PKNOX2: variants seen among roughly 807,000 people sequenced by gnomAD.
PKNOX2 encodes the protein PBX/knotted 1 homeobox 2.
A neutral mutation model predicts 53.1 loss-of-function variants in PKNOX2; 14 were observed. The ratio of observed to expected loss-of-function variants is 0.26; its 90% CI spans 0.17 to 0.41. The LOEUF is 0.41. Among genes scored for constraint, PKNOX2 ranks in the 10% least tolerant of loss-of-function variants. The probability of loss-of-function intolerance (pLI) is 1.00; values close to 1 mark genes in which losing one functional copy is unlikely to be tolerated. For synonymous variants in PKNOX2, 257 were observed against 242.8 expected, an observed-to-expected ratio of 1.06 and a Z score of -0.54; for missense variants, 496 against 602.8, an observed-to-expected ratio of 0.82 and a Z score of 1.85.
intron 1 of PKNOX2, among the ~76,000 whole-genome samples, chr11:125,201,187 G>A (rs1315800124): frequency 6.6e-6 from 1 of 152,096 alleles, no homozygotes; most frequent in African/African-American, 2.4e-5. Context: ...GCTTGGTTAT[G>A]GCCATTCTAC....
intron 2 of PKNOX2, among the ~76,000 whole-genome samples, chr11:125,292,676 C>G (rs533457739): frequency 7.2e-5 from 11 of 152,180 alleles, no homozygotes; most frequent in Non-Finnish European, 1.0e-4. Context: ...CTTTCACTCA[C>G]GAGGCTGGCT....
At chr11:125,368,008 C>G (rs771942154) in intron 5 of PKNOX2, 23 bp downstream of exon 5, 34 of 1,605,980 alleles carry the variant, frequency 2.1e-5, no homozygotes, top group Admixed American at 5.1e-5. Flanking sequence ...TCAGCTGTGT[C>G]TACAGCCCTC....
intron 2 of PKNOX2, among the ~76,000 whole-genome samples, chr11:125,256,089 A>G (rs955671724): frequency 1.3e-5 from 2 of 151,986 alleles, no homozygotes; most frequent in African/African-American, 4.8e-5. Flanking sequence ...TGCTGGGAAG[A>G]CGGTGGGGAT....
At chr11:125,204,126 C>T (rs139232834) in intron 1 of PKNOX2, among the ~76,000 whole-genome samples, 18 of 152,094 alleles carry the variant, frequency 1.2e-4, no homozygotes, top group Non-Finnish European at 2.1e-4. Flanking sequence ...GACACCAGAG[C>T]GGGAAAGAAT....
At chr11:125,383,303 T>C (rs1016860499) in intron 5 of PKNOX2, among the ~76,000 whole-genome samples, 17 of 152,072 alleles carry the variant, frequency 1.1e-4, no homozygotes, top group African/African-American at 4.1e-4. Context: ...GACCATTGCC[T>C]GTTTGCCTTA....
intron 1 of PKNOX2, among the ~76,000 whole-genome samples, chr11:125,197,977 T>C (rs1290168710): frequency 6.6e-6 from 1 of 152,222 alleles, no homozygotes; most frequent in Non-Finnish European, 1.5e-5. Flanking sequence ...ATAATCCTTG[T>C]CCTTGCAGGA....
intron 4 of PKNOX2, among the ~76,000 whole-genome samples, chr11:125,353,805 C>T (rs770942222): frequency 2.6e-5 from 4 of 152,214 alleles, no homozygotes; most frequent in African/African-American, 9.7e-5. Context: ...AGGGTCTTTA[C>T]GGCCTTGATG....
intron 7 of PKNOX2, among the ~76,000 whole-genome samples, chr11:125,407,886 G>T (rs1955212586): frequency 6.6e-6 from 1 of 152,222 alleles, no homozygotes; most frequent in Admixed American, 6.5e-5. Context: ...TCTCATCGCT[G>T]AAAACTCAGG....
Position 125,214,761 on chromosome 11 carries a change from T to C in PKNOX2, c.-200-20284T>C, listed in dbSNP as rs561461867. Among the ~76,000 whole-genome samples the C allele has an allele frequency of 3.0e-4, 46 of 152,158 alleles. 2 individuals are homozygous for C. The South Asian group carries it at 8.9e-3, about 30-fold the overall frequency. On this transcript the variant is annotated intron_variant, in intron 1 of 12. Coordinates refer to ENST00000298282, the MANE Select transcript of PKNOX2 (RefSeq NM_001382323.2). ...CCCTTAGACACAGAGCCCTTCCCTC[T>C]CCACCCTCCTCTTTTTCTCTCTCTT...
intron 2 of PKNOX2, among the ~76,000 whole-genome samples, chr11:125,327,610 G>A (rs1273668634): frequency 6.6e-6 from 1 of 152,174 alleles, no homozygotes; most frequent in East Asian, 1.9e-4. Context: ...GCTTGAGTGT[G>A]GAGGGCAAGA....
intron 2 of PKNOX2, among the ~76,000 whole-genome samples, chr11:125,291,761 A>G (rs1947317937): frequency 6.6e-6 from 1 of 152,216 alleles, no homozygotes. Flanking sequence ...GAAATATGCT[A>G]TAGCATGGAT....
In PKNOX2 at chr11:125,352,740, T is replaced by C. The variant is rs1459531468; in HGVS notation, c.87+1348T>C. On this transcript the variant is annotated intron_variant, in intron 4 of 12. Coordinates refer to ENST00000298282, the MANE Select transcript of PKNOX2 (RefSeq NM_001382323.2). The surrounding 1 kb of genome is among the most constrained non-coding windows in gnomAD (Gnocchi z 4.1). The stretch of plus-strand genomic sequence containing the variant: ...TCTGAGCACATGTCTACGGCCCCGC[T>C]CCCACATATCAAATCATATTACTTC... Among the ~76,000 whole-genome samples, 1 of 152,110 alleles carries C rather than the reference T, an allele frequency of 6.6e-6. No individual in the cohort carries two copies. The highest frequency in any genetic ancestry group is 1.5e-5 in the Non-Finnish European group (1 of 68,018).
At chr11:125,272,783 A>C (rs1282216457) in intron 2 of PKNOX2, among the ~76,000 whole-genome samples, 3 of 152,294 alleles carry the variant, frequency 2.0e-5, no homozygotes, top group Admixed American at 1.3e-4. Context: ...CCCGGTGTGA[A>C]CAGGAGAGGA....
intron 2 of PKNOX2, among the ~76,000 whole-genome samples, chr11:125,312,328 G>A (rs1948859505): frequency 6.6e-6 from 1 of 152,194 alleles, no homozygotes; most frequent in Admixed American, 6.5e-5. Flanking sequence ...CTGGTGGAGG[G>A]GAGGACCAGG....
At chr11:125,286,899 G>A (rs371700872) in intron 2 of PKNOX2, among the ~76,000 whole-genome samples, 4 of 152,212 alleles carry the variant, frequency 2.6e-5, no homozygotes, top group African/African-American at 4.8e-5. Flanking sequence ...CGCAGGCAGC[G>A]TATGGCCTTA....
At chr11:125,275,480 A>G (rs1192494394) in intron 2 of PKNOX2, among the ~76,000 whole-genome samples, 1 of 151,990 alleles carries the variant, frequency 6.6e-6, no homozygotes, top group Admixed American at 6.5e-5. Context: ...TAACGGGGAG[A>G]GTGAGGAGAG....
chr11:125,404,244 C>T (rs1415738756), intron 7 of PKNOX2, among the ~76,000 whole-genome samples: 1 of 152,252 alleles, frequency 6.6e-6, no homozygotes, highest in African/African-American at 2.4e-5. Context: ...GCCGGTTCCT[C>T]ACCCCCAGCC....
chr11:125,282,947 T>G (rs576416307), intron 2 of PKNOX2, among the ~76,000 whole-genome samples: 1 of 152,018 alleles, frequency 6.6e-6, no homozygotes, highest in South Asian at 2.1e-4. Flanking sequence ...AGGTCAGGAG[T>G]TCGAGACCAG....
intron 10 of PKNOX2, among the ~76,000 whole-genome samples, chr11:125,424,119 G>A (rs1555174936): frequency 6.6e-6 from 1 of 151,774 alleles, no homozygotes. Context: ...AGAGGTGTTT[G>A]GGGGGACAGA....
Sources: gnomAD v4.1 joint callset for allele counts (sites outside exome capture counted in the v4.1 genomes callset) on GRCh38, gnomAD v4.1.1 for gene constraint, Gnocchi (gnomAD v3.1) non-coding constraint, MANE v1.5 for transcripts, NCBI Gene and HGNC (gene_info 2026-07-23, HGNC 2026-07-21) for gene names.